PSMD14: variants seen among roughly 807,000 people sequenced by gnomAD.
PSMD14 encodes the protein proteasome 26S subunit, non-ATPase 14, also known as ubiquitin C-terminal hydrolase PSMD14.
Under a neutral mutation model 41.2 loss-of-function variants are expected in PSMD14, and 7 were observed. The ratio of observed to expected loss-of-function variants is 0.17; its 90% CI spans 0.10 to 0.32. The LOEUF is 0.32. Ranked by LOEUF, PSMD14 falls within the 10% of genes least tolerant of loss-of-function variation. The probability of loss-of-function intolerance (pLI) is 1.00; values close to 1 mark genes in which losing one functional copy is unlikely to be tolerated. For synonymous variants in PSMD14, 114 were observed against 122.3 expected, an observed-to-expected ratio of 0.93 and a Z score of 0.45; for missense variants, 139 against 375.6, an observed-to-expected ratio of 0.37 and a Z score of 5.21.
At chr2:161,363,271 C>T (rs1169829449) in intron 3 of PSMD14, among the ~76,000 whole-genome samples, 13 of 152,148 alleles carry the variant, frequency 8.5e-5, no homozygotes, top group Non-Finnish European at 1.5e-4. Flanking sequence ...TGAAACTGGT[C>T]CCTGGCACCA....
chr2:161,405,562 C>G (rs1282165917), intron 10 of PSMD14, among the ~76,000 whole-genome samples: 1 of 152,022 alleles, frequency 6.6e-6, no homozygotes, highest in Non-Finnish European at 1.5e-5. Flanking sequence ...AAAATCATGC[C>G]TATATTGATG....
intron 3 of PSMD14, among the ~76,000 whole-genome samples, chr2:161,350,550 A>G (rs564526679): frequency 6.6e-6 from 1 of 152,346 alleles, no homozygotes; most frequent in East Asian, 1.9e-4. Context: ...GACAGATAAA[A>G]TGTTATTATA....
intron 7 of PSMD14, among the ~76,000 whole-genome samples, chr2:161,372,639 A>T (rs1413236843): frequency 6.6e-6 from 1 of 151,972 alleles, no homozygotes; most frequent in Non-Finnish European, 1.5e-5. Flanking sequence ...ACTTTTTTTT[A>T]ACTATATGTG....
intron 7 of PSMD14, among the ~76,000 whole-genome samples, chr2:161,371,967 C>CTT (rs529718395): frequency 2.1e-5 from 3 of 145,376 alleles, no homozygotes; most frequent in Admixed American, 6.9e-5. Context: ...TTCATTCTTT[C>CTT]TTTTTTTTTT....
At chr2:161,387,350 A>G (rs1683647284) in intron 8 of PSMD14, among the ~76,000 whole-genome samples, 2 of 152,050 alleles carry the variant, frequency 1.3e-5, no homozygotes, top group Admixed American at 1.3e-4. Flanking sequence ...CAGGATCTTT[A>G]ACTCTGGGAT....
At chr2:161,387,383 T>A (rs1029398137) in intron 8 of PSMD14, among the ~76,000 whole-genome samples, 8 of 152,020 alleles carry the variant, frequency 5.3e-5, no homozygotes, top group Non-Finnish European at 8.8e-5. Context: ...AGAAATGCCA[T>A]GCCTTTTATT....
chr2:161,319,336 A>C (rs565809963), intron 3 of PSMD14, among the ~76,000 whole-genome samples: 9 of 150,770 alleles, frequency 6.0e-5, no homozygotes, highest in African/African-American at 2.2e-4. Flanking sequence ...TGGATTAATA[A>C]GTAATCTCTC....
At chr2:161,369,949 T>G (rs186211002) in intron 5 of PSMD14, among the ~76,000 whole-genome samples, 158 bp from the exon 6 acceptor site, 4 of 152,238 alleles carry the variant, frequency 2.6e-5, no homozygotes. Context: ...TTTTAGAAGC[T>G]TGATTGGTAT....
At chr2:161,392,685 A>G (rs1683728705) in intron 9 of PSMD14, among the ~76,000 whole-genome samples, 1 of 152,098 alleles carries the variant, frequency 6.6e-6, no homozygotes, top group Non-Finnish European at 1.5e-5. Context: ...CCTTGGCGCA[A>G]GGGGATCTTA....
intron 10 of PSMD14, among the ~76,000 whole-genome samples, chr2:161,401,253 G>C (rs1683874354): frequency 6.6e-6 from 1 of 152,174 alleles, no homozygotes; most frequent in South Asian, 2.1e-4. Context: ...TACAAAATAT[G>C]TGTTAACTGT....
chr2:161,408,982 T>A (rs1372384024), intron 11 of PSMD14, 83 bp downstream of exon 11: 3 of 1,110,864 alleles, frequency 2.7e-6, no homozygotes, highest in Non-Finnish European at 3.9e-6. Context: ...CCTATATAAT[T>A]TTTTTCCTGT....
chr2:161,312,889 C>T (rs1689105779), intron 1 of PSMD14, among the ~76,000 whole-genome samples: 2 of 152,210 alleles, frequency 1.3e-5, no homozygotes, highest in Non-Finnish European at 2.9e-5. Context: ...ATATGCCCAG[C>T]ATTTTGAAAC....
At chr2:161,339,617 G>A (rs368059742) in intron 3 of PSMD14, among the ~76,000 whole-genome samples, 3 of 152,076 alleles carry the variant, frequency 2.0e-5, no homozygotes, top group South Asian at 2.1e-4. Context: ...AGCCAGGGTC[G>A]GAAACTTTCC....
At chr2:161,327,822 TAGTC>T (rs1682721900) in intron 3 of PSMD14, among the ~76,000 whole-genome samples, 1 of 151,800 alleles carries the variant, frequency 6.6e-6, no homozygotes, top group African/African-American at 2.4e-5. Context: ...TATGAAAAGA[TAGTC>T]AGTGTCACTG....
At chr2:161,350,168 G>C (rs1421236673) in intron 3 of PSMD14, among the ~76,000 whole-genome samples, 1 of 152,212 alleles carries the variant, frequency 6.6e-6, no homozygotes, top group African/African-American at 2.4e-5. Context: ...ACTTAGAATA[G>C]AAAGTACTTG....
intron 3 of PSMD14, among the ~76,000 whole-genome samples, chr2:161,359,851 A>G (rs966840119): frequency 2.0e-5 from 3 of 152,218 alleles, no homozygotes; most frequent in Non-Finnish European, 4.4e-5. Context: ...TAGCGTCAGA[A>G]GTTGCATTTT....
chr2:161,351,777 A>G (rs908318177), intron 3 of PSMD14, among the ~76,000 whole-genome samples: 1 of 152,180 alleles, frequency 6.6e-6, no homozygotes, highest in African/African-American at 2.4e-5. Flanking sequence ...ACTCAAGCTG[A>G]TACAGCGCTA....
At chr2:161,333,205 T>A (rs531903019) in intron 3 of PSMD14, among the ~76,000 whole-genome samples, 130 of 152,400 alleles carry the variant, frequency 8.5e-4, no homozygotes, top group South Asian at 3.3e-3. Flanking sequence ...ATATCTTCAT[T>A]GCTCATCCTT....
At chr2:161,376,401 A>G (rs1412503168) in intron 7 of PSMD14, among the ~76,000 whole-genome samples, 3 of 151,904 alleles carry the variant, frequency 2.0e-5, no homozygotes, top group Non-Finnish European at 4.4e-5. Flanking sequence ...GAAGATTAAC[A>G]TAATTCATAC....
Sources: gnomAD v4.1 joint callset for allele counts (sites outside exome capture counted in the v4.1 genomes callset) on GRCh38, gnomAD v4.1.1 for gene constraint, MANE v1.5 for transcripts, NCBI Gene and HGNC (gene_info 2026-07-23, HGNC 2026-07-21) for gene names.